Variants in RNASEH2B observed in about 807,000 individuals in gnomAD.
RNASEH2B encodes Aicardi-Goutieres syndrome 2 protein.
In RNASEH2B, 36 loss-of-function variants were observed where a neutral mutation model predicts 45.0. The ratio of observed to expected loss-of-function variants is 0.80; its 90% CI spans 0.61 to 1.06. The LOEUF (loss-of-function observed/expected upper bound fraction) is 1.06. Among genes scored for constraint, RNASEH2B ranks in the 50% least tolerant of loss-of-function variants. The pLI is 0.00. For synonymous variants in RNASEH2B, 119 were observed against 125.7 expected, an observed-to-expected ratio of 0.95 and a Z score of 0.35; for missense variants, 361 against 360.3, an observed-to-expected ratio of 1.00 and a Z score of -0.02.
At position 50,956,283 on chromosome 13, in the gene RNASEH2B, G is replaced by A. The variant is rs151005517; in HGVS notation, c.823-75G>A. The A allele has an allele frequency of 2.0e-3, 2,447 of 1,232,428 alleles. 43 individuals are homozygous for A. The East Asian group carries it at 0.044, about 22-fold the overall frequency. 76.3% of individuals were successfully genotyped at this position (1,232,428 alleles called of 1,614,324 possible). A position where few individuals can be genotyped will look rare whatever the true frequency, so the allele number is the denominator to read the frequency against. On this transcript the variant is annotated intron_variant, in intron 10 of 10. Transcript: ENST00000336617. Reference sequence around the variant, plus strand: ...TCCTTAATGAAACTTGAGACATGCAGTCTTCTTTGATTTCCATATATGATT... The same window carrying A: ...TCCTTAATGAAACTTGAGACATGCAATCTTCTTTGATTTCCATATATGATT...
At chr13:50,965,193 G>C (rs1003473165) in intron 9 of RNASEH2B, among the ~76,000 whole-genome samples, 33 of 152,270 alleles carry the variant, frequency 2.2e-4, no homozygotes, top group African/African-American at 7.5e-4. Context: ...GTTTAAATAA[G>C]TTTAGATATA....
downstream of RNASEH2B, among the ~76,000 whole-genome samples, chr13:50,957,378 C>T (rs930700021): frequency 1.3e-5 from 2 of 152,052 alleles, no homozygotes; most frequent in South Asian, 2.1e-4. Flanking sequence ...TGCATTAATT[C>T]GCTCAGGATA....
At chr13:50,960,859 A>C (rs1200433166), downstream of RNASEH2B, among the ~76,000 whole-genome samples, 2 of 152,162 alleles carry the variant, frequency 1.3e-5, no homozygotes, top group Non-Finnish European at 2.9e-5. Flanking sequence ...TATTGCTGGA[A>C]AATGTTTAAG....
chr13:50,930,560 A>G, intron 3 of RNASEH2B, 123 bp from the exon 4 acceptor site: 1 of 779,742 alleles, frequency 1.3e-6, no homozygotes, highest in Non-Finnish European at 2.3e-6. Flanking sequence ...GTATAAGAAG[A>G]GATTTGAATT....
chr13:50,954,096 AATT>A, intron 10 of RNASEH2B, 111 bp downstream of exon 10: 1 of 740,342 alleles, frequency 1.4e-6, no homozygotes, highest in Non-Finnish European at 2.5e-6. Context: ...GACCAGGAAG[AATT>A]ATTAACTTGC....
chr13:50,925,462 G>T (rs1227017611), intron 1 of RNASEH2B, among the ~76,000 whole-genome samples: 2 of 152,250 alleles, frequency 1.3e-5, no homozygotes, highest in Non-Finnish European at 2.9e-5. Context: ...AAATACCCTT[G>T]AACTTCATTC....
chr13:50,962,414 T>C (rs573123190), intron 9 of RNASEH2B, among the ~76,000 whole-genome samples: 1 of 149,312 alleles, frequency 6.7e-6, no homozygotes, highest in African/African-American at 2.4e-5. Context: ...TTTTCTTTTT[T>C]TTTCTTGTGC....
At chr13:50,962,329 G>C (rs1952119982) in intron 9 of RNASEH2B, among the ~76,000 whole-genome samples, 1 of 152,120 alleles carries the variant, frequency 6.6e-6, no homozygotes, top group Admixed American at 6.6e-5. Context: ...GAAGCCATTT[G>C]GACCTGGAAT....
rs372294089 is a variant in RNASEH2B, at chr13:50,945,676, A to G, written c.616+144A>G. 5.0e-3 allele frequency: 3,362 copies of G among 670,824 alleles called. 113 individuals are homozygous for G. In the South Asian group the frequency reaches 0.051, roughly 10 times the overall value. 41.6% of individuals were successfully genotyped at this position (670,824 alleles called of 1,614,324 possible). ...CTCATACACATTGTGGCAGGTGTGC[A>G]TCTTATTTCAGAAGCGAAGAATATT... On this transcript the variant is annotated intron_variant, in intron 7 of 10. Coordinates refer to ENST00000336617, the MANE Select transcript of RNASEH2B (RefSeq NM_024570.4).
At position 50,956,593 on chromosome 13, in the gene RNASEH2B, T is replaced by G. The variant is rs1952054723; in HGVS notation, c.*119T>G. The G allele has an allele frequency of 1.3e-5, 20 of 1,495,292 alleles. 2 individuals carry two copies. The South Asian group carries it at 2.4e-4, about 18-fold the overall frequency. 92.6% of individuals were successfully genotyped at this position (1,495,292 alleles called of 1,614,324 possible). On this transcript the variant is annotated 3_prime_UTR_variant, in exon 11 of 11. Transcript: ENST00000336617. Reference sequence around the variant, plus strand: ...GGAAGAGGCCAATTTCATGTTCTCTTAAACATTTCTTTGCATTTGGTTTTT... The same window carrying G: ...GGAAGAGGCCAATTTCATGTTCTCTGAAACATTTCTTTGCATTTGGTTTTT...
intron 1 of RNASEH2B, among the ~76,000 whole-genome samples, chr13:50,925,016 T>G (rs1163208432): frequency 1.3e-5 from 2 of 152,190 alleles, no homozygotes; most frequent in Non-Finnish European, 2.9e-5. Context: ...CTTCTCCTTT[T>G]GGAAACTCCA....
rs999618386 is a variant in RNASEH2B, at chr13:50,918,395, C to A, written c.64+8255C>A. On this transcript the variant is annotated intron_variant, in intron 1 of 10. Transcript: ENST00000336617. ...GTCGTGATCCGCCCGCCTCGGCCTCCCAAAGTGTTGGGATTACAGGCGTGA... is the reference window on the plus strand; with the variant it reads ...GTCGTGATCCGCCCGCCTCGGCCTCACAAAGTGTTGGGATTACAGGCGTGA... Among the ~76,000 whole-genome samples, 19 of 152,306 alleles carry A rather than the reference C, an allele frequency of 1.2e-4. 1 individual carries two copies. Among genetic ancestry groups the A allele is most frequent in the Admixed American group, 1.2e-3 (18 of 15,298 alleles).
intron 2 of RNASEH2B, among the ~76,000 whole-genome samples, chr13:50,928,941 T>TTC (rs2137930369): frequency 6.6e-6 from 1 of 150,668 alleles, no homozygotes; most frequent in African/African-American, 2.4e-5. Context: ...CCTTTTTTTT[T>TTC]TTTTTTTTTT....
intron 8 of RNASEH2B, chr13:50,949,195 A>G: frequency 2.6e-6 from 1 of 392,070 alleles, no homozygotes; most frequent in East Asian, 4.3e-5. Context: ...TATAGAGGCT[A>G]AAGAAAAGGA....
intron 1 of RNASEH2B, among the ~76,000 whole-genome samples, chr13:50,914,588 G>A (rs979704208): frequency 6.6e-6 from 1 of 152,052 alleles, no homozygotes; most frequent in Non-Finnish European, 1.5e-5. Context: ...TTTTCGGTGG[G>A]ACCCGACTGA....
intron 9 of RNASEH2B, among the ~76,000 whole-genome samples, chr13:50,964,505 C>CA (rs1174115228): frequency 1.3e-5 from 2 of 152,102 alleles, no homozygotes; most frequent in Non-Finnish European, 2.9e-5. Context: ...ACCCAAAGCT[C>CA]AAAAGATGAG....
intron 9 of RNASEH2B, among the ~76,000 whole-genome samples, chr13:50,963,407 G>A (rs1318045951): frequency 2.6e-5 from 4 of 151,862 alleles, no homozygotes; most frequent in Admixed American, 6.6e-5. Context: ...CAGGTGATCC[G>A]CCCACCTCAG....
intron 10 of RNASEH2B, 22 bp downstream of exon 10, chr13:50,954,007 G>T (rs755266257): frequency 3.5e-5 from 51 of 1,471,406 alleles, no homozygotes; most frequent in Non-Finnish European, 4.6e-5. Flanking sequence ...CAGGTGTAGT[G>T]GTGTTTCGTT....
chr13:50,941,434 C>A (rs1467470061), intron 5 of RNASEH2B: 2 of 152,174 alleles, frequency 1.3e-5, no homozygotes, highest in Non-Finnish European at 2.9e-5. Context: ...TAGTGGGGCT[C>A]AGGGAGTGGG....
Sources: allele counts gnomAD v4.1 joint callset (sites outside exome capture counted in the v4.1 genomes callset), GRCh38; gene constraint gnomAD v4.1.1; transcripts MANE v1.5; gene names NCBI Gene and HGNC (gene_info 2026-07-23, HGNC 2026-07-21).